Variants in WDR70 observed in about 807,000 individuals in gnomAD.
The protein encoded by WDR70 is WD repeat domain 70.
Under a neutral mutation model 88.6 loss-of-function variants are expected in WDR70, and 53 were observed. That is an observed-to-expected ratio of 0.60 (90% confidence interval 0.48 to 0.75). The LOEUF (loss-of-function observed/expected upper bound fraction) is 0.75. WDR70 is among the 30% of genes least tolerant of loss of function. The pLI is 0.00. For missense variants in WDR70, 610 were observed against 823.2 expected, an observed-to-expected ratio of 0.74 and a Z score of 3.17; for synonymous variants, 280 against 270.0, an observed-to-expected ratio of 1.04 and a Z score of -0.36.
chr5:37,699,750 C>A (rs1429563154), intron 11 of WDR70, among the ~76,000 whole-genome samples: 3 of 151,760 alleles, frequency 2.0e-5, no homozygotes, highest in African/African-American at 7.3e-5. Context: ...GAGTTTGAGA[C>A]CAGCCTGGAA....
intron 8 of WDR70, 80 bp downstream of exon 8, chr5:37,480,067 T>C (rs1739616390): frequency 3.3e-6 from 5 of 1,511,176 alleles, no homozygotes; most frequent in Admixed American, 4.2e-5. Context: ...ATGTAATAAT[T>C]TTCCCCAAAA....
intron 9 of WDR70, among the ~76,000 whole-genome samples, chr5:37,551,232 G>A (rs1742135317): frequency 6.6e-6 from 1 of 151,838 alleles, no homozygotes; most frequent in African/African-American, 2.4e-5. Context: ...TTGAACCCGG[G>A]AGGCAGAGGT....
chr5:37,557,957 A>ACTCTTTTGAAAACTCTTCAAAAGAGTACT, intron 9 of WDR70, among the ~76,000 whole-genome samples: 1 of 139,252 alleles, frequency 7.2e-6, no homozygotes, highest in Admixed American at 7.1e-5. Context: ...TCAAAAGAGT[A>ACTCTTTTGAAAACTCTTCAAAAGAGTACT]TTATGTATAT....
At chr5:37,401,394 C>T (rs1749189408) in intron 5 of WDR70, among the ~76,000 whole-genome samples, 1 of 150,708 alleles carries the variant, frequency 6.6e-6, no homozygotes, top group Admixed American at 6.7e-5. Flanking sequence ...CGGCTCACTG[C>T]AACCTCCGCC....
chr5:37,605,185 A>T lies in WDR70; in HGVS notation c.1039A>T (p.Ile347Leu). 6.2e-7 allele frequency: 1 copy of T among 1,612,834 alleles called. No individual in the cohort carries two copies. The highest frequency in any genetic ancestry group is 1.1e-5 in the South Asian group (1 of 90,738). Residue 347 changes from isoleucine (I) to leucine (L), a missense_variant, in exon 10 of 18, where the codon ATA becomes TTA. Ile to Leu is a conservative substitution (Grantham distance 5). Around this residue, in one of 4 missense-constraint regions of WDR70, gnomAD observed 254 missense variants for 300.7 expected, o/e 0.84. Transcript: ENST00000265107. ...CACATATAGTAGAGATGGAAACCTC[A>T]TAGCAGCTGCCTGCCAGAATGGAAG... is the stretch of plus-strand genomic sequence containing the variant. Reference protein sequence around the residue: ...TCTYSRDGNLIAAACQNGSIQ... With the variant: ...TCTYSRDGNLLAAACQNGSIQ...
At chr5:37,505,014 G>A (rs1740518850) in intron 8 of WDR70, among the ~76,000 whole-genome samples, 1 of 152,116 alleles carries the variant, frequency 6.6e-6, no homozygotes, top group Non-Finnish European at 1.5e-5. Flanking sequence ...AAGAATCACA[G>A]GTGCTGACTG....
intron 9 of WDR70, among the ~76,000 whole-genome samples, chr5:37,597,675 C>T (rs1040355669): frequency 1.3e-5 from 2 of 152,172 alleles, no homozygotes. Flanking sequence ...GATCTCTTTG[C>T]ACTTGCCTGC....
chr5:37,624,763 G>A (rs1375042348), intron 10 of WDR70, among the ~76,000 whole-genome samples: 4 of 151,996 alleles, frequency 2.6e-5, no homozygotes, highest in Non-Finnish European at 5.9e-5. Context: ...AAATATGATT[G>A]GACAAAAAGG....
intron 8 of WDR70, among the ~76,000 whole-genome samples, chr5:37,497,306 CCCTTCCCTTT>C (rs1299245609): frequency 1.0e-4 from 15 of 145,598 alleles, no homozygotes; most frequent in Non-Finnish European, 1.7e-4. Flanking sequence ...CTTCTCCCTT[CCCTTCCCTTT>C]CCTTCCCTTC....
At chr5:37,476,025 A>G (rs1174331227) in intron 7 of WDR70, among the ~76,000 whole-genome samples, 1 of 150,296 alleles carries the variant, frequency 6.7e-6, no homozygotes, top group South Asian at 2.1e-4. Context: ...TTTTTTTTGC[A>G]TTTTTAGTAT....
chr5:37,527,424 A>G (rs1057314129), intron 9 of WDR70, among the ~76,000 whole-genome samples: 4 of 152,224 alleles, frequency 2.6e-5, no homozygotes, highest in African/African-American at 4.8e-5. Flanking sequence ...AAAACTGGCT[A>G]GCCATATGTA....
intron 5 of WDR70, among the ~76,000 whole-genome samples, chr5:37,429,523 G>A (rs1750239156): frequency 6.6e-6 from 1 of 152,052 alleles, no homozygotes; most frequent in African/African-American, 2.4e-5. Flanking sequence ...TATGGTGTAA[G>A]GAAAGGATTG....
At chr5:37,604,323 T>A (rs566800624) in intron 9 of WDR70, among the ~76,000 whole-genome samples, 1 of 152,348 alleles carries the variant, frequency 6.6e-6, no homozygotes, top group Non-Finnish European at 1.5e-5. Context: ...ACTTTAAGGA[T>A]GTTGTTCCAT....
intron 7 of WDR70, among the ~76,000 whole-genome samples, chr5:37,472,889 T>G (rs1441367168): frequency 6.6e-6 from 1 of 152,050 alleles, no homozygotes; most frequent in East Asian, 1.9e-4. Context: ...TTGTGTGCTA[T>G]GAACATACCT....
intron 10 of WDR70, among the ~76,000 whole-genome samples, chr5:37,677,495 C>T (rs1448775756): frequency 1.3e-5 from 2 of 152,112 alleles, no homozygotes. Context: ...GTTATGTACC[C>T]AGTAGTCATT....
chr5:37,695,618 C>T (rs115421025), intron 10 of WDR70, among the ~76,000 whole-genome samples: 5,111 of 152,152 alleles, frequency 0.034, 152 homozygotes, highest in Non-Finnish European at 0.049. Flanking sequence ...ATCTTTAAGT[C>T]GATAGTGACA....
intron 13 of WDR70, among the ~76,000 whole-genome samples, chr5:37,712,582 T>C (rs372338660): frequency 7.1e-4 from 108 of 152,366 alleles, no homozygotes; most frequent in Non-Finnish European, 1.4e-3. Context: ...TTTGACACTT[T>C]ATTTTATCAG....
intron 5 of WDR70, among the ~76,000 whole-genome samples, chr5:37,403,568 A>G (rs950099170): frequency 1.3e-5 from 2 of 152,198 alleles, no homozygotes; most frequent in Admixed American, 1.3e-4. Flanking sequence ...ATTGTTCATA[A>G]TCACTGTGGC....
At chr5:37,686,045 A>C (rs1746584936) in intron 10 of WDR70, among the ~76,000 whole-genome samples, 2 of 152,144 alleles carry the variant, frequency 1.3e-5, no homozygotes, top group African/African-American at 4.8e-5. Flanking sequence ...TGTCTTGCCC[A>C]AATCTCCCCC....
Sources: gnomAD v4.1 joint callset for allele counts (sites outside exome capture counted in the v4.1 genomes callset) on GRCh38, gnomAD v4.1.1 for gene constraint, gnomAD v4.1.1 regional missense constraint, MANE v1.5 for transcripts, NCBI Gene and HGNC (gene_info 2026-07-23, HGNC 2026-07-21) for gene names.